SPAG4: variants seen among roughly 807,000 people sequenced by gnomAD.
SPAG4 encodes the protein sperm associated antigen 4, also known as sperm-associated antigen 4 protein.
A neutral mutation model predicts 53.9 loss-of-function variants in SPAG4; 54 were observed. That is an observed-to-expected ratio of 1.00 (90% confidence interval 0.80 to 1.26). The LOEUF is 1.26. SPAG4 is among the 50% of genes most tolerant of loss of function. The pLI is 0.00. For missense variants in SPAG4, 548 were observed against 568.6 expected (o/e 0.96, Z 0.37); for synonymous variants, 246 against 237.4 (o/e 1.04, Z -0.33).
At chr20:35,617,628 G>T in intron 3 of SPAG4, 42 bp downstream of exon 3, 1 of 1,604,782 alleles carries the variant, frequency 6.2e-7, no homozygotes, top group Non-Finnish European at 8.5e-7. Context: ...CAGCTCTTTG[G>T]AGGGGGTGGG....
In SPAG4 at chr20:35,620,693, G is replaced by A; in HGVS notation, c.1087G>A (p.Val363Ile). The A allele has an allele frequency of 6.9e-7, 1 of 1,446,496 alleles. No individual in the cohort carries two copies. Among genetic ancestry groups the A allele is most frequent in the Non-Finnish European group, 9.3e-7 (1 of 1,078,816 alleles). 89.6% of individuals were successfully genotyped at this position (1,446,496 alleles called of 1,614,324 possible). A position where few individuals can be genotyped will look rare whatever the true frequency, so the allele number is the denominator to read the frequency against. ...PRDFAVFGLQVYDETEVSLGK... is the reference protein window; with the variant it reads ...PRDFAVFGLQIYDETEVSLGK... ...ATTCTTCACCCACCAGGGCCTCCAG[G>A]TTTATGATGAAACTGAAGTTTCCTT... Residue 363 changes from valine (V) to isoleucine (I), a missense_variant, in exon 11 of 12, where the codon GTT becomes ATT. Val to Ile is a conservative substitution (Grantham distance 29). Coordinates refer to ENST00000374273, the MANE Select transcript of SPAG4 (RefSeq NM_003116.3).
In SPAG4 at chr20:35,616,166, C is replaced by A. The variant is rs1273994153; in HGVS notation, c.163C>A (p.Pro55Thr). 6.3e-7 allele frequency: 1 copy of A among 1,597,464 alleles called. No individual in the cohort carries two copies. The highest frequency in any genetic ancestry group is 8.5e-7 in the Non-Finnish European group (1 of 1,173,088). ...GEPEGRRARG[P>T]SCGEPALSAG... ...GCCCGAGGGCAGAAGAGCCCGGGGCCCGAGCTGCGGTGAGCCCGCCTTGAG... is the reference window on the plus strand; with the variant it reads ...GCCCGAGGGCAGAAGAGCCCGGGGCACGAGCTGCGGTGAGCCCGCCTTGAG... Residue 55 changes from proline (P) to threonine (T), a missense_variant, in exon 1 of 12, where the codon CCG becomes ACG. Coordinates refer to ENST00000374273, the MANE Select transcript of SPAG4 (RefSeq NM_003116.3).
Position 35,616,037 on chromosome 20 carries a change from T to A in SPAG4, c.34T>A (p.Ser12Thr), listed in dbSNP as rs756440909. 2.5e-6 allele frequency: 4 copies of A among 1,612,022 alleles called. No homozygotes were observed. Residue 12 changes from serine to threonine, a missense_variant, in exon 1 of 12, where the codon TCC (serine) becomes ACC (threonine). Physicochemically the swap from Ser to Thr is moderately conservative, Grantham distance 58. Coordinates refer to ENST00000374273, the MANE Select transcript of SPAG4 (RefSeq NM_003116.3). ...RRSSRPGSAS[S>T]SRKHTPNFFS... is the part of the protein sequence containing the mutation. ...AAGCTCCCGCCCGGGCTCGGCCTCG[T>A]CCTCGCGCAAGCACACGCCCAACTT... is the stretch of plus-strand genomic sequence containing the variant.
chr20:35,617,414 C>A (rs2031423897), intron 2 of SPAG4, 106 bp from the exon 3 acceptor site: 14 of 979,386 alleles, frequency 1.4e-5, no homozygotes, highest in Non-Finnish European at 2.2e-5. Context: ...AGCCCCAGGC[C>A]CACCCCCGGC....
chr20:35,617,968 C>A, intron 4 of SPAG4, 119 bp from the exon 5 acceptor site: 1 of 1,346,340 alleles, frequency 7.4e-7, no homozygotes, highest in Non-Finnish European at 1.1e-6. Context: ...AATTCCCCCT[C>A]AGACTCCCAC....
In SPAG4 at chr20:35,620,725, A is replaced by G. The variant is rs2031551404; in HGVS notation, c.1119A>G (p.Lys373=). The G allele has an allele frequency of 6.2e-7, 1 of 1,600,842 alleles. No homozygotes were observed. Among genetic ancestry groups the G allele is most frequent in the African/African-American group, 1.4e-5 (1 of 73,402 alleles). The change falls in exon 11 of 12, where the codon AAA becomes AAG. Residue 373 remains lysine, a synonymous_variant. Transcript: ENST00000374273. ...VYDETEVSLG[K]FTFDVEKSEI... ...ATGAAACTGAAGTTTCCTTGGGGAAATTCACCTTCGATGTTGAGAAATCGG... is the reference window on the plus strand; with the variant it reads ...ATGAAACTGAAGTTTCCTTGGGGAAGTTCACCTTCGATGTTGAGAAATCGG...
chr20:35,617,902 A>G (rs2031442159), intron 4 of SPAG4, 62 bp downstream of exon 4: 3 of 1,535,768 alleles, frequency 2.0e-6, no homozygotes, highest in Non-Finnish European at 2.7e-6. Context: ...AACCCAGCAC[A>G]TTTTCTCCTA....
chr20:35,618,994 TGTGG>T lies in SPAG4; in HGVS notation c.792_793+2del. The stretch of plus-strand genomic sequence containing the variant: ...GGAAGCCCGACTATGCTTTGAGCTC[TGTGG>T]GTAAGACCCGGAGACACTGGAAGAC... On this transcript the variant is annotated frameshift_variant and splice_region_variant, in exon 8 of 12. Transcript: ENST00000374273. LOFTEE classifies it high-confidence loss of function. 6.2e-7 allele frequency: 1 copy of T among 1,613,612 alleles called. No individual in the cohort carries two copies. The highest frequency in any genetic ancestry group is 8.5e-7 in the Non-Finnish European group (1 of 1,179,496).
intron 2 of SPAG4, 55 bp downstream of exon 2, chr20:35,617,295 C>A: frequency 7.9e-7 from 1 of 1,259,566 alleles, no homozygotes; most frequent in Non-Finnish European, 1.1e-6. Context: ...CCTCTCCGAA[C>A]TCCAGTTCTC....
intron 5 of SPAG4, 92 bp from the exon 6 acceptor site, chr20:35,618,358 T>A (rs2031456542): frequency 4.0e-5 from 61 of 1,527,928 alleles, no homozygotes; most frequent in Non-Finnish European, 4.9e-5. Flanking sequence ...GACACAGTCT[T>A]CAAAAAGGAA....
At chr20:35,616,375 G>C (rs907308302) in intron 1 of SPAG4, 68 bp downstream of exon 1, 78 of 1,428,198 alleles carry the variant, frequency 5.5e-5, no homozygotes, top group Non-Finnish European at 6.9e-5. Flanking sequence ...TGCTGGGCGG[G>C]GACGGGGCTA....
intron 5 of SPAG4, 36 bp downstream of exon 5, chr20:35,618,166 G>T (rs757919119): frequency 1.2e-6 from 2 of 1,603,332 alleles, no homozygotes; most frequent in South Asian, 2.2e-5. Flanking sequence ...TAGGGGGTTG[G>T]CAGGTTGTGA....
rs753733640 is a variant in SPAG4, at chr20:35,617,844, A to C, written c.538+4A>C. ...CTGCTGAGCCTCTTTCTGTCAGGTG[A>C]GGGGCAGTGAATTCCCTGGAGCCCC... On this transcript the variant is annotated splice_donor_region_variant and intron_variant, in intron 4 of 11. Coordinates refer to ENST00000374273, the MANE Select transcript of SPAG4 (RefSeq NM_003116.3). 1.9e-6 allele frequency: 3 copies of C among 1,613,724 alleles called. No individual in the cohort carries two copies. Among genetic ancestry groups the C allele is most frequent in the Non-Finnish European group, 2.5e-6 (3 of 1,179,796 alleles).
At chr20:35,618,339 A>G in intron 5 of SPAG4, 111 bp from the exon 6 acceptor site, 1 of 1,396,686 alleles carries the variant, frequency 7.2e-7, no homozygotes, top group Non-Finnish European at 1.0e-6. Flanking sequence ...GGAGGAGTCG[A>G]GGAAAGGGGA....
At chr20:35,619,473 G>A (rs1456860967) in intron 9 of SPAG4, 106 bp from the exon 10 acceptor site, 4 of 1,483,442 alleles carry the variant, frequency 2.7e-6, no homozygotes, top group Non-Finnish European at 3.7e-6. Flanking sequence ...GGCTGGAGGT[G>A]GAGCTCTGGG....
intron 10 of SPAG4, 42 bp from the exon 11 acceptor site, chr20:35,620,642 C>CCT: frequency 2.8e-6 from 2 of 712,972 alleles, no homozygotes; most frequent in Admixed American, 2.4e-5. Flanking sequence ...CCCGCCCCAC[C>CCT]TGTCCCCCTC....
chr20:35,616,127 C>T lies in SPAG4; in HGVS notation c.124C>T (p.Pro42Ser). 3 of 1,593,454 alleles carry T rather than the reference C, an allele frequency of 1.9e-6. No individual in the cohort carries two copies. In the South Asian group the frequency reaches 3.4e-5, roughly 18 times the overall value. ...CAGCAAAGGGCTCCGGTCAGCGGAG[C>T]CCGGGCCTGGGGAGCCCGAGGGCAG... Reference protein sequence around the residue: ...EDSKGLRSAEPGPGEPEGRRA... With the variant: ...EDSKGLRSAESGPGEPEGRRA... The change falls in exon 1 of 12, where the codon CCC becomes TCC. Residue 42 changes from proline (P) to serine (S), a missense_variant. Transcript: ENST00000374273.
intron 9 of SPAG4, 56 bp downstream of exon 9, chr20:35,619,366 C>T: frequency 6.5e-7 from 1 of 1,529,496 alleles, no homozygotes; most frequent in Non-Finnish European, 9.1e-7. Flanking sequence ...GGAAAAGCAC[C>T]AAAACCCCGC....
chr20:35,620,869 T>C lies in SPAG4; in HGVS notation c.1168-7T>C. The C allele has an allele frequency of 1.1e-5, 18 of 1,613,818 alleles. No homozygotes were observed. Among genetic ancestry groups the C allele is most frequent in the Non-Finnish European group, 1.4e-5 (17 of 1,179,782 alleles). ...CAGCCCTTGGCATGATCCATTTGTC[T>C]CCCCAGAATGACCCCCCAGCTGCCT... On this transcript the variant is annotated splice_polypyrimidine_tract_variant and splice_region_variant and intron_variant, in intron 11 of 11. Transcript: ENST00000374273.
Sources: allele counts gnomAD v4.1 joint callset, GRCh38; gene constraint gnomAD v4.1.1; transcripts MANE v1.5; gene names NCBI Gene and HGNC (gene_info 2026-07-23, HGNC 2026-07-21).